Variants in TTC7B observed in about 807,000 individuals in gnomAD.
TTC7B encodes tetratricopeptide repeat protein 7B.
In TTC7B, 28 loss-of-function variants were observed where a neutral mutation model predicts 106.8. The observed-to-expected ratio is 0.26, with a 90% CI of 0.19 to 0.36. TTC7B has a LOEUF of 0.36. Among genes scored for constraint, TTC7B ranks in the 10% least tolerant of loss-of-function variants. The probability of loss-of-function intolerance (pLI) is 1.00; values close to 1 mark genes in which losing one functional copy is unlikely to be tolerated. For missense variants in TTC7B, 862 were observed against 1,076.4 expected, an observed-to-expected ratio of 0.80 and a Z score of 2.79; for synonymous variants, 405 against 430.6, an observed-to-expected ratio of 0.94 and a Z score of 0.74.
At position 90,531,026 on chromosome 14, in the gene TTC7B, A is replaced by G. The variant is rs1479176976; in HGVS notation, c.*10342T>C. Reference sequence around the variant, plus strand: ...TCTGCATAAATCTCTGTTAATAGATACAGGATATAAAATGATATAATTTTA... The same window carrying G: ...TCTGCATAAATCTCTGTTAATAGATGCAGGATATAAAATGATATAATTTTA... On this transcript the variant is annotated 3_prime_UTR_variant, in exon 20 of 20. Transcript: ENST00000328459. 1 of 152,232 alleles carries G rather than the reference A, an allele frequency of 6.6e-6. No homozygotes were observed. The highest frequency in any genetic ancestry group is 1.5e-5 in the Non-Finnish European group (1 of 68,042). 9.4% of individuals were successfully genotyped at this position (152,232 alleles called of 1,614,324 possible). A position where few individuals can be genotyped will look rare whatever the true frequency, so the allele number is the denominator to read the frequency against.
intron 19 of TTC7B, among the ~76,000 whole-genome samples, chr14:90,571,327 GTCCAGTAGGAGGCA>G (rs1264021634): frequency 2.0e-5 from 3 of 152,194 alleles, no homozygotes; most frequent in African/African-American, 7.2e-5. Flanking sequence ...AAGATGAAGT[GTCCAGTAGGAGGCA>G]TCCAGTAGGA....
At chr14:90,762,780 G>A (rs1196380926) in intron 3 of TTC7B, among the ~76,000 whole-genome samples, 1 of 152,176 alleles carries the variant, frequency 6.6e-6, no homozygotes, top group Non-Finnish European at 1.5e-5. Context: ...TTTGGATCAG[G>A]GCTGTTTGCC....
chr14:90,773,073 G>A (rs547313777), intron 3 of TTC7B: 1 of 152,378 alleles, frequency 6.6e-6, no homozygotes, highest in African/African-American at 2.4e-5. Flanking sequence ...AAGGAGCGTG[G>A]CAGGCAGGGC....
chr14:90,630,222 T>A (rs556682643), intron 15 of TTC7B, among the ~76,000 whole-genome samples: 52 of 152,330 alleles, frequency 3.4e-4, no homozygotes, highest in African/African-American at 4.6e-4. Flanking sequence ...TTTGTCCCTC[T>A]TGACAAGCAT....
intron 19 of TTC7B, among the ~76,000 whole-genome samples, chr14:90,559,600 A>G (rs1890480367): frequency 6.6e-6 from 1 of 152,146 alleles, no homozygotes; most frequent in African/African-American, 2.4e-5. Context: ...CCCACCCTAC[A>G]TGGACTCGTG....
At chr14:90,732,382 C>T (rs1005846628) in intron 4 of TTC7B, among the ~76,000 whole-genome samples, 3 of 152,102 alleles carry the variant, frequency 2.0e-5, no homozygotes, top group Admixed American at 2.0e-4. Context: ...CCCTATTTCC[C>T]TCACTCTCTA....
intron 5 of TTC7B, among the ~76,000 whole-genome samples, chr14:90,705,881 C>T (rs1401202214): frequency 6.6e-6 from 1 of 152,206 alleles, no homozygotes; most frequent in Non-Finnish European, 1.5e-5. Flanking sequence ...AAAACCTGAA[C>T]TGTTCAGCCT....
rs1319592665 is a variant in TTC7B at position 90,742,149 on chromosome 14, T to A, written c.576+2643A>T. Reference sequence around the variant, plus strand: ...TCGAACTTCTGGGCTCAAGCAATCCTCCCACCTAAGCCTCCCAAGTAGCTG... The same window carrying A: ...TCGAACTTCTGGGCTCAAGCAATCCACCCACCTAAGCCTCCCAAGTAGCTG... On this transcript the variant is annotated intron_variant, in intron 4 of 19. Coordinates refer to ENST00000328459, the MANE Select transcript of TTC7B (RefSeq NM_001010854.2). The surrounding 1 kb of genome is among the most constrained non-coding windows in gnomAD (Gnocchi z 4.1). Among the ~76,000 whole-genome samples, 1 of 152,110 alleles carries A rather than the reference T, an allele frequency of 6.6e-6. No individual in the cohort carries two copies. The highest frequency in any genetic ancestry group is 2.4e-5 in the African/African-American group (1 of 41,424).
At chr14:90,554,433 G>A (rs1467233459) in intron 19 of TTC7B, among the ~76,000 whole-genome samples, 3 of 152,214 alleles carry the variant, frequency 2.0e-5, no homozygotes, top group Non-Finnish European at 4.4e-5. Context: ...GGGTTCCGGG[G>A]GTGGGGCTTT....
At chr14:90,791,688 C>T (rs1349771303) in intron 1 of TTC7B, among the ~76,000 whole-genome samples, 1 of 152,056 alleles carries the variant, frequency 6.6e-6, no homozygotes, top group Non-Finnish European at 1.5e-5. Context: ...TGTTCACCCT[C>T]CCCCATAGGC....
intron 16 of TTC7B, among the ~76,000 whole-genome samples, chr14:90,611,280 G>A (rs912545581): frequency 2.6e-5 from 4 of 152,238 alleles, no homozygotes; most frequent in Admixed American, 6.5e-5. Context: ...CAGGCTGCAC[G>A]GAAAAATCAC....
intron 5 of TTC7B, among the ~76,000 whole-genome samples, chr14:90,721,133 T>G (rs1379548415): frequency 4.6e-5 from 7 of 152,136 alleles, no homozygotes; most frequent in Non-Finnish European, 8.8e-5. Flanking sequence ...CTTTGGGAGA[T>G]ACAATTAAAT....
chr14:90,748,351 C>G (rs190255374), intron 3 of TTC7B, among the ~76,000 whole-genome samples: 10 of 152,226 alleles, frequency 6.6e-5, no homozygotes, highest in Non-Finnish European at 1.3e-4. Flanking sequence ...TTGTTTGGGA[C>G]AGAGTCTCAC....
chr14:90,540,029 G>C lies in TTC7B; in HGVS notation c.*1339C>G, dbSNP rs1308925843. The C allele has an allele frequency of 6.6e-6, 1 of 152,318 alleles. No homozygotes were observed. The highest frequency in any genetic ancestry group is 1.5e-5 in the Non-Finnish European group (1 of 68,124). The allele number at this position is 152,318 out of a possible 1,614,324, so 9.4% of individuals were successfully genotyped here. ...CCAATTCCAAAGCCCCATCGGGGGAGAGCTAAGGCGAATTCCCAAACCAAA... is the reference window on the plus strand; with the variant it reads ...CCAATTCCAAAGCCCCATCGGGGGACAGCTAAGGCGAATTCCCAAACCAAA... On this transcript the variant is annotated 3_prime_UTR_variant, in exon 20 of 20. Transcript: ENST00000328459.
chr14:90,765,939 C>T (rs1890660923), intron 3 of TTC7B, among the ~76,000 whole-genome samples: 1 of 152,162 alleles, frequency 6.6e-6, no homozygotes, highest in African/African-American at 2.4e-5. Flanking sequence ...TGCCCTTTCC[C>T]CCAGCCTCAT....
intron 3 of TTC7B, among the ~76,000 whole-genome samples, chr14:90,752,418 C>T (rs765432635): frequency 2.0e-5 from 3 of 152,200 alleles, no homozygotes; most frequent in Non-Finnish European, 4.4e-5. Context: ...GCTATTTTCT[C>T]TCCCCAAGGC....
intron 5 of TTC7B, chr14:90,697,872 G>GA (rs1236025972): frequency 6.6e-6 from 1 of 152,234 alleles, no homozygotes; most frequent in African/African-American, 2.4e-5. Context: ...GCAAATACAA[G>GA]TTTTTCTCAA....
intron 1 of TTC7B, among the ~76,000 whole-genome samples, chr14:90,809,640 G>A (rs1323478041): frequency 3.3e-5 from 5 of 152,350 alleles, no homozygotes; most frequent in East Asian, 3.9e-4. Flanking sequence ...CTTGGCCCTC[G>A]CTTCCATTTT....
chr14:90,628,740 G>A (rs1884560869), intron 15 of TTC7B, among the ~76,000 whole-genome samples: 1 of 152,248 alleles, frequency 6.6e-6, no homozygotes, highest in Non-Finnish European at 1.5e-5. Flanking sequence ...GCGCATCCTT[G>A]CATCAATCAG....
Sources: allele counts gnomAD v4.1 joint callset (sites outside exome capture counted in the v4.1 genomes callset), GRCh38; gene constraint gnomAD v4.1.1; non-coding constraint Gnocchi (gnomAD v3.1); transcripts MANE v1.5; gene names NCBI Gene and HGNC (gene_info 2026-07-23, HGNC 2026-07-21).